The following PRKCA variants were observed in gnomAD, a reference collection of about 807,000 sequenced individuals.
The protein encoded by PRKCA is protein kinase C alpha.
In PRKCA, 27 loss-of-function variants were observed where a neutral mutation model predicts 87.0. That is an observed-to-expected ratio of 0.31 (90% confidence interval 0.23 to 0.43). PRKCA has a LOEUF of 0.43. PRKCA is among the 20% of genes least tolerant of loss of function. The pLI is 1.00. For missense variants in PRKCA, 518 were observed against 852.3 expected, an observed-to-expected ratio of 0.61 and a Z score of 4.88; for synonymous variants, 329 against 311.1, an observed-to-expected ratio of 1.06 and a Z score of -0.61.
chr17:66,626,797 G>A (rs1234786515), intron 3 of PRKCA, among the ~76,000 whole-genome samples: 3 of 152,156 alleles, frequency 2.0e-5, no homozygotes, highest in South Asian at 2.1e-4. Flanking sequence ...ATGAGCCATC[G>A]CGCCCTGCCA....
At chr17:66,548,981 T>C (rs562426473) in intron 3 of PRKCA, among the ~76,000 whole-genome samples, 2 of 152,034 alleles carry the variant, frequency 1.3e-5, no homozygotes, top group African/African-American at 4.8e-5. Flanking sequence ...AATTTTTGTA[T>C]TTTTTGGTAG....
chr17:66,460,689 A>T (rs942556903), intron 2 of PRKCA, among the ~76,000 whole-genome samples: 2 of 152,138 alleles, frequency 1.3e-5, no homozygotes, highest in Non-Finnish European at 2.9e-5. Flanking sequence ...CTGCCAGCTG[A>T]TGGGGCAGAC....
At chr17:66,306,327 G>GA (rs141495406) in intron 2 of PRKCA, 200 bp downstream of exon 2, 7,140 of 299,158 alleles carry the variant, frequency 0.024, 2 homozygotes, top group East Asian at 0.029. Context: ...TTTCTCATTG[G>GA]AAAAAAAAAA....
rs932902924 is a variant in PRKCA at position 66,792,877 on chromosome 17, G to T, written c.1854+3898G>T. Among the ~76,000 whole-genome samples the T allele has an allele frequency of 6.6e-6, 1 of 152,224 alleles. No individual in the cohort carries two copies. The highest frequency in any genetic ancestry group is 2.4e-5 in the African/African-American group (1 of 41,450). On this transcript the variant is annotated intron_variant, in intron 16 of 16. Transcript: ENST00000413366. The surrounding 1 kb of genome is among the most constrained non-coding windows in gnomAD (Gnocchi z 4.5). ...CAGTGGCAAGCCTGGAGGCTGAGATGTGAGGGAAGAACCTGCCCCTGTGGC... is the reference window on the plus strand; with the variant it reads ...CAGTGGCAAGCCTGGAGGCTGAGATTTGAGGGAAGAACCTGCCCCTGTGGC...
chr17:66,447,740 T>A (rs770916160), intron 2 of PRKCA, among the ~76,000 whole-genome samples: 6 of 152,222 alleles, frequency 3.9e-5, no homozygotes, highest in Non-Finnish European at 7.3e-5. Flanking sequence ...CCCCTGGCCC[T>A]TTGTGCTCCA....
At chr17:66,406,816 TGA>T (rs1911434906) in intron 2 of PRKCA, among the ~76,000 whole-genome samples, 1 of 151,898 alleles carries the variant, frequency 6.6e-6, no homozygotes, top group African/African-American at 2.4e-5. Context: ...GTCTGCCAGG[TGA>T]GAGAGGGATG....
chr17:66,643,941 G>A (rs1971381901), intron 4 of PRKCA, among the ~76,000 whole-genome samples: 1 of 152,194 alleles, frequency 6.6e-6, no homozygotes. Flanking sequence ...AAGATATACA[G>A]CAGAGACTGC....
chr17:66,377,897 G>T lies in PRKCA; in HGVS notation c.205+71770G>T, dbSNP rs957306142. Among the ~76,000 whole-genome samples, 5 of 151,098 alleles carry T rather than the reference G, an allele frequency of 3.3e-5. No homozygotes were observed. In the East Asian group the frequency reaches 9.7e-4, roughly 29 times the overall value. ...CAACCTCCCAAAGTACTGGGATTAGGCATGAGCCCCTATCCCTGGCCTGCT... is the reference window on the plus strand; with the variant it reads ...CAACCTCCCAAAGTACTGGGATTAGTCATGAGCCCCTATCCCTGGCCTGCT... On this transcript the variant is annotated intron_variant, in intron 2 of 16. Transcript: ENST00000413366.
intron 8 of PRKCA, among the ~76,000 whole-genome samples, chr17:66,695,075 A>G (rs1009496050): frequency 8.5e-5 from 13 of 152,134 alleles, no homozygotes; most frequent in Admixed American, 2.6e-4. Flanking sequence ...GCCATTTCCT[A>G]TCCCCAGAGT....
chr17:66,464,617 CAT>C (rs1341143396), intron 2 of PRKCA, among the ~76,000 whole-genome samples: 8 of 152,158 alleles, frequency 5.3e-5, no homozygotes, highest in African/African-American at 1.9e-4. Flanking sequence ...TCCCTAATGA[CAT>C]ATTATATTGA....
chr17:66,332,934 A>G (rs1598597488), intron 2 of PRKCA, among the ~76,000 whole-genome samples: 2 of 151,958 alleles, frequency 1.3e-5, no homozygotes, highest in South Asian at 2.1e-4. Flanking sequence ...CTTGTGATCC[A>G]CCCGCCTTGG....
chr17:66,764,786 G>A (rs1974760765), intron 13 of PRKCA, among the ~76,000 whole-genome samples: 1 of 152,176 alleles, frequency 6.6e-6, no homozygotes, highest in African/African-American at 2.4e-5. Context: ...ACAGCCCCTT[G>A]CCTGGGGCTT....
At chr17:66,611,273 G>A (rs1182419142) in intron 3 of PRKCA, among the ~76,000 whole-genome samples, 1 of 152,074 alleles carries the variant, frequency 6.6e-6, no homozygotes, top group East Asian at 1.9e-4. Context: ...TTGTACAAAT[G>A]CTACCATAAT....
intron 2 of PRKCA, among the ~76,000 whole-genome samples, chr17:66,470,795 T>G (rs1915294352): frequency 6.6e-6 from 1 of 152,206 alleles, no homozygotes; most frequent in Non-Finnish European, 1.5e-5. Context: ...TTTAACCACT[T>G]GAGTCAAAGA....
rs1160172620 is a variant in PRKCA, at chr17:66,732,740, G to A, written c.971G>A (p.Arg324Lys). 5 of 1,614,188 alleles carry A rather than the reference G, an allele frequency of 3.1e-6. No homozygotes were observed. Among genetic ancestry groups the A allele is most frequent in the South Asian group, 1.1e-5 (1 of 91,072 alleles). ...GNKVISPSEDRKQPSNNLDRV... is the reference protein window; with the variant it reads ...GNKVISPSEDKKQPSNNLDRV... ...AAAGTCATCAGTCCCTCTGAAGACA[G>A]GAAACAACCTTCCAACAACCTTGAC... The change falls in exon 9 of 17, where the codon AGG becomes AAG. Residue 324 changes from arginine to lysine, a missense_variant. Physicochemically the swap from Arg to Lys is conservative, Grantham distance 26. Around this residue, in one of 5 missense-constraint regions of PRKCA, gnomAD observed 300 missense variants for 496.8 expected, o/e 0.60. Coordinates refer to ENST00000413366, the MANE Select transcript of PRKCA (RefSeq NM_002737.3).
At chr17:66,507,223 C>T (rs1317569290) in intron 3 of PRKCA, among the ~76,000 whole-genome samples, 3 of 152,188 alleles carry the variant, frequency 2.0e-5, no homozygotes, top group Admixed American at 6.5e-5. Flanking sequence ...GTCACTTCAG[C>T]GGATAACATA....
At chr17:66,657,358 A>C (rs973586861) in intron 5 of PRKCA, among the ~76,000 whole-genome samples, 8 of 152,326 alleles carry the variant, frequency 5.3e-5, no homozygotes, top group African/African-American at 1.9e-4. Context: ...ACTTCCTATA[A>C]AAGTTTTTGC....
chr17:66,563,442 G>A (rs1244445124), intron 3 of PRKCA, among the ~76,000 whole-genome samples: 3 of 152,112 alleles, frequency 2.0e-5, no homozygotes, highest in Non-Finnish European at 2.9e-5. Flanking sequence ...TGTTCAGATT[G>A]GCTTCTTTCA....
At chr17:66,485,191 C>A (rs1915943190) in intron 2 of PRKCA, among the ~76,000 whole-genome samples, 1 of 152,078 alleles carries the variant, frequency 6.6e-6, no homozygotes, top group African/African-American at 2.4e-5. Flanking sequence ...TAAACATTTG[C>A]TGAATAATTG....
Sources: gnomAD v4.1 joint callset for allele counts (sites outside exome capture counted in the v4.1 genomes callset) on GRCh38, gnomAD v4.1.1 for gene constraint, gnomAD v4.1.1 regional missense constraint, Gnocchi (gnomAD v3.1) non-coding constraint, MANE v1.5 for transcripts, NCBI Gene and HGNC (gene_info 2026-07-23, HGNC 2026-07-21) for gene names.